Variants in ARHGAP44 observed in about 807,000 individuals in gnomAD.
ARHGAP44 encodes the protein Rho GTPase activating protein 44.
A neutral mutation model predicts 106.8 loss-of-function variants in ARHGAP44; 43 were observed. The ratio of observed to expected loss-of-function variants is 0.40; its 90% CI spans 0.32 to 0.52. The LOEUF (loss-of-function observed/expected upper bound fraction) is 0.52, where lower values mean the gene tolerates loss of function less well. Among genes scored for constraint, ARHGAP44 ranks in the 20% least tolerant of loss-of-function variants. The pLI is 0.48. For missense variants in ARHGAP44, 866 were observed against 1,050.5 expected (o/e 0.82, Z 2.43); for synonymous variants, 439 against 410.3 (o/e 1.07, Z -0.85).
chr17:12,793,283 T>C (rs1289568288), intron 1 of ARHGAP44, among the ~76,000 whole-genome samples: 1 of 152,190 alleles, frequency 6.6e-6, no homozygotes, highest in Non-Finnish European at 1.5e-5. Context: ...TCTGGGCAAA[T>C]GTTATGACTG....
chr17:12,975,296 T>C (rs1404521931), intron 18 of ARHGAP44, among the ~76,000 whole-genome samples: 1 of 152,112 alleles, frequency 6.6e-6, no homozygotes, highest in Non-Finnish European at 1.5e-5. Context: ...CTTCTCTTTA[T>C]AGTCATAGCA....
At chr17:12,948,313 G>A (rs575517402) in intron 10 of ARHGAP44, among the ~76,000 whole-genome samples, 30 of 152,300 alleles carry the variant, frequency 2.0e-4, no homozygotes, top group Non-Finnish European at 2.9e-4. Flanking sequence ...AATGGAAGGA[G>A]GCTACCTCAC....
rs554226011 is a variant in ARHGAP44, at chr17:12,961,845, TAGA to T, written c.1523+2952_1523+2954del. 5.1e-3 allele frequency among the ~76,000 whole-genome samples: 775 copies of T among 152,296 alleles called. 1 individual carries two copies. Among genetic ancestry groups the T allele is most frequent in the Non-Finnish European group, 8.6e-3 (585 of 68,016 alleles). ...CGTTTTAAGGAAGTGTAGTGAATTG[TAGA>T]AGATCAGTTCTTACCTGACCTTAAA... is the stretch of plus-strand genomic sequence containing the variant. On this transcript the variant is annotated intron_variant, in intron 16 of 20. Coordinates refer to ENST00000379672, the MANE Select transcript of ARHGAP44 (RefSeq NM_014859.6).
At chr17:12,930,224 C>A (rs910849644) in intron 7 of ARHGAP44, among the ~76,000 whole-genome samples, 1 of 151,418 alleles carries the variant, frequency 6.6e-6, no homozygotes, top group Admixed American at 6.6e-5. Context: ...TTTTTTTATT[C>A]TTTTCTCTCT....
chr17:12,986,966 T>C (rs1334530800), intron 20 of ARHGAP44: 3 of 780,548 alleles, frequency 3.8e-6, no homozygotes, highest in South Asian at 1.8e-5. Context: ...TCTGAGCCAG[T>C]GTAGAATCCA....
intron 1 of ARHGAP44, among the ~76,000 whole-genome samples, chr17:12,854,241 T>C (rs932809968): frequency 1.5e-4 from 23 of 152,154 alleles, no homozygotes; most frequent in Non-Finnish European, 3.4e-4. Context: ...CAGGGAGAAT[T>C]AGCACTGCTA....
At chr17:12,846,973 G>A (rs912572655) in intron 1 of ARHGAP44, among the ~76,000 whole-genome samples, 4 of 152,166 alleles carry the variant, frequency 2.6e-5, no homozygotes, top group Admixed American at 1.3e-4. Context: ...GGTCATTTAA[G>A]GTTAACCCAC....
chr17:12,880,364 A>G (rs2036689563), intron 1 of ARHGAP44, among the ~76,000 whole-genome samples: 1 of 152,140 alleles, frequency 6.6e-6, no homozygotes, highest in African/African-American at 2.4e-5. Flanking sequence ...AGAGATAACC[A>G]TCATTAAAAA....
At chr17:12,845,111 T>C (rs2035525600) in intron 1 of ARHGAP44, among the ~76,000 whole-genome samples, 1 of 152,176 alleles carries the variant, frequency 6.6e-6, no homozygotes, top group Non-Finnish European at 1.5e-5. Context: ...CACCCTCCTA[T>C]TCCCCATCCT....
intron 5 of ARHGAP44, among the ~76,000 whole-genome samples, chr17:12,916,985 T>G (rs368606560): frequency 7.9e-5 from 12 of 152,304 alleles, no homozygotes; most frequent in African/African-American, 1.2e-4. Flanking sequence ...CATTTTGGAT[T>G]TCACATATTC....
chr17:12,975,920 A>C (rs867388372), intron 18 of ARHGAP44, among the ~76,000 whole-genome samples: 1 of 151,998 alleles, frequency 6.6e-6, no homozygotes, highest in African/African-American at 2.4e-5. Context: ...CCAGGGTGGC[A>C]GGGGAGGAGA....
At chr17:12,799,530 T>C (rs1030130346) in intron 1 of ARHGAP44, among the ~76,000 whole-genome samples, 6 of 152,144 alleles carry the variant, frequency 3.9e-5, no homozygotes, top group African/African-American at 9.7e-5. Context: ...ACGTCACTTA[T>C]GTTCACTTTT....
chr17:12,813,304 TG>T (rs1220713582), intron 1 of ARHGAP44, among the ~76,000 whole-genome samples: 1 of 148,412 alleles, frequency 6.7e-6, no homozygotes, highest in Non-Finnish European at 1.5e-5. Flanking sequence ...GGAGGTTTTT[TG>T]TTTTTTTTTT....
At chr17:12,909,263 C>CT (rs1262842082) in intron 4 of ARHGAP44, among the ~76,000 whole-genome samples, 5 of 152,194 alleles carry the variant, frequency 3.3e-5, no homozygotes, top group African/African-American at 1.2e-4. Context: ...AATGTCAGAA[C>CT]TTACGAGATT....
At position 12,958,925 on chromosome 17, in the gene ARHGAP44, C is replaced by A; in HGVS notation, c.1523+28C>A. ...ATGAACTGGTGTCTCTTTCTCAGCA[C>A]TGGGGATTAGGGGAGGTGGTGGGGG... On this transcript the variant is annotated intron_variant, in intron 16 of 20. Transcript: ENST00000379672. This position sits in a 1 kb window ranked among gnomAD's most constrained non-coding sequence, Gnocchi z 4.1. 6.3e-7 allele frequency: 1 copy of A among 1,587,502 alleles called. No homozygotes were observed. Among genetic ancestry groups the A allele is most frequent in the East Asian group, 2.3e-5 (1 of 43,948 alleles).
intron 1 of ARHGAP44, among the ~76,000 whole-genome samples, chr17:12,804,358 A>G (rs1472131652): frequency 6.6e-6 from 1 of 152,210 alleles, no homozygotes; most frequent in East Asian, 1.9e-4. Context: ...GAAGCCAGAA[A>G]GTAGGATTAT....
chr17:12,982,758 C>A (rs11655929), intron 19 of ARHGAP44: 2 of 151,972 alleles, frequency 1.3e-5, no homozygotes, highest in Admixed American at 6.6e-5. Flanking sequence ...GGGAATACAG[C>A]GGGTAAGTGG....
chr17:12,973,421 G>A, intron 17 of ARHGAP44, 102 bp downstream of exon 17: 2 of 1,287,380 alleles, frequency 1.6e-6, no homozygotes, highest in Non-Finnish European at 2.2e-6. Flanking sequence ...CGCCGCGTCT[G>A]GTTGCTTGGC....
At position 12,949,389 on chromosome 17, in the gene ARHGAP44, G is replaced by C; in HGVS notation, c.973+138G>C. On this transcript the variant is annotated intron_variant, in intron 11 of 20. Transcript: ENST00000379672. The surrounding 1 kb of genome is among the most constrained non-coding windows in gnomAD (Gnocchi z 4.1). ...TTCAGATGTGTCCACTCAGTGCCCA[G>C]TTTCAGGGCTGGGTGCTCTGGCCCC... The C allele has an allele frequency of 1.0e-6, 1 of 981,694 alleles. No individual in the cohort carries two copies. The highest frequency in any genetic ancestry group is 1.5e-6 in the Non-Finnish European group (1 of 666,066). 60.8% of individuals were successfully genotyped at this position (981,694 alleles called of 1,614,324 possible). A position where few individuals can be genotyped will look rare whatever the true frequency, so the allele number is the denominator to read the frequency against.
Sources: allele counts gnomAD v4.1 joint callset (sites outside exome capture counted in the v4.1 genomes callset), GRCh38; gene constraint gnomAD v4.1.1; non-coding constraint Gnocchi (gnomAD v3.1); transcripts MANE v1.5; gene names NCBI Gene and HGNC (gene_info 2026-07-23, HGNC 2026-07-21).